The following ZNF33B variants were observed in gnomAD, a reference collection of about 807,000 sequenced individuals.
ZNF33B encodes the protein zinc finger protein 11b (KOX 2).
A neutral mutation model predicts 45.8 loss-of-function variants in ZNF33B; 29 were observed. That is an observed-to-expected ratio of 0.63 (90% confidence interval 0.47 to 0.86). The LOEUF is 0.86. ZNF33B is among the 40% of genes least tolerant of loss of function. ZNF33B has a pLI of 0.00. For missense variants in ZNF33B, 831 were observed against 909.9 expected (o/e 0.91, Z 1.12); for synonymous variants, 305 against 307.8 (o/e 0.99, Z 0.10).
chr10:42,581,770 T>C (rs971516925), intron 1 of ZNF33B: 2 of 152,168 alleles, frequency 1.3e-5, no homozygotes, highest in Non-Finnish European at 1.5e-5. Context: ...TAGGATAGAA[T>C]CCTTATTGTG....
intron 1 of ZNF33B, 74 bp downstream of exon 1, chr10:42,638,400 C>G (rs549542111): frequency 3.1e-5 from 11 of 352,022 alleles, no homozygotes; most frequent in African/African-American, 1.9e-4. Context: ...CCACCTGGCA[C>G]TGGCCCCCGG....
intron 4 of ZNF33B, among the ~76,000 whole-genome samples, chr10:42,621,441 A>T (rs1436273857): frequency 1.3e-5 from 2 of 152,132 alleles, no homozygotes; most frequent in Non-Finnish European, 2.9e-5. Context: ...AGTAAAATAT[A>T]TTTAATGGTA....
chr10:42,583,339 G>A (rs1471576199), intron 1 of ZNF33B: 7 of 404,332 alleles, frequency 1.7e-5, no homozygotes, highest in South Asian at 9.8e-5. Flanking sequence ...TCAAGGAAGA[G>A]CTGGCAAAAC....
Position 42,591,241 on chromosome 10 carries a change from G to A in ZNF33B, c.*1372C>T. ...GGCAGCAACTGGGCTGTATGTGTGG[G>A]CCTCTTTCCAGGGCCCTGTCTTGGA... On this transcript the variant is annotated 3_prime_UTR_variant, in exon 5 of 5. Transcript: ENST00000359467. 1.1e-6 allele frequency: 1 copy of A among 921,506 alleles called. No homozygotes were observed. The highest frequency in any genetic ancestry group is 1.2e-4 in the East Asian group (1 of 8,464). 57.1% of individuals were successfully genotyped at this position (921,506 alleles called of 1,614,324 possible).
chr10:42,584,598 G>T (rs188896898), downstream of ZNF33B, among the ~76,000 whole-genome samples: 1,500 of 151,622 alleles, frequency 9.9e-3, 23 homozygotes, highest in African/African-American at 0.033. Flanking sequence ...TCGGCTCACT[G>T]CAACCTCCAC....
At chr10:42,637,886 C>A (rs1302392143) in intron 1 of ZNF33B, among the ~76,000 whole-genome samples, 2 of 152,198 alleles carry the variant, frequency 1.3e-5, no homozygotes, top group Non-Finnish European at 2.9e-5. Flanking sequence ...TTCCTGACCT[C>A]AGGTGATCCA....
At chr10:42,611,340 CA>C (rs1306786621) in intron 4 of ZNF33B, among the ~76,000 whole-genome samples, 7 of 139,302 alleles carry the variant, frequency 5.0e-5, no homozygotes, top group African/African-American at 1.1e-4. Flanking sequence ...GACTCCGTCT[CA>C]AAAAAAAAAG....
rs376015064 is a variant in ZNF33B at position 42,633,298 on chromosome 10, T to C, written c.10-859A>G. ...ACATAGGAGAAGACATCCAGTTGGATTGTTCTGGATATCCTCTAGGGCACA... is the reference window on the plus strand; with the variant it reads ...ACATAGGAGAAGACATCCAGTTGGACTGTTCTGGATATCCTCTAGGGCACA... On this transcript the variant is annotated intron_variant, in intron 2 of 4. Transcript: ENST00000359467. Among the ~76,000 whole-genome samples the C allele has an allele frequency of 1.6e-4, 24 of 152,286 alleles. No homozygotes were observed. In the East Asian group the frequency reaches 3.3e-3, roughly 21 times the overall value.
rs555542289 is a variant in ZNF33B, at chr10:42,606,212, C to G, written c.251-11513G>C. On this transcript the variant is annotated intron_variant, in intron 4 of 4. Coordinates refer to ENST00000359467, the MANE Select transcript of ZNF33B (RefSeq NM_006955.3). ...GGGTGTGGTGGCTCATGCCTGTAATCCCAGCACTTCGGGAGGCCAAGGCGG... is the reference window on the plus strand; with the variant it reads ...GGGTGTGGTGGCTCATGCCTGTAATGCCAGCACTTCGGGAGGCCAAGGCGG... Among the ~76,000 whole-genome samples, 13 of 151,992 alleles carry G rather than the reference C, an allele frequency of 8.6e-5. No homozygotes were observed. The East Asian group carries it at 1.9e-3, about 23-fold the overall frequency.
rs114581375 is a variant in ZNF33B, at chr10:42,591,275, G to C, written c.*1338C>G. ...CAGGGCCCTGTCTTGGAGAGCAGCTGCTTAAAGAAAATTTGGACTATCACT... is the reference window on the plus strand; with the variant it reads ...CAGGGCCCTGTCTTGGAGAGCAGCTCCTTAAAGAAAATTTGGACTATCACT... On this transcript the variant is annotated 3_prime_UTR_variant, in exon 5 of 5. Coordinates refer to ENST00000359467, the MANE Select transcript of ZNF33B (RefSeq NM_006955.3). The C allele has an allele frequency of 3.5e-3, 3,214 of 923,478 alleles. 89 individuals carry two copies. In the African/African-American group the frequency reaches 0.055, roughly 16 times the overall value. 57.2% of individuals were successfully genotyped at this position (923,478 alleles called of 1,614,324 possible).
chr10:42,621,297 A>G (rs1473184264), intron 4 of ZNF33B, among the ~76,000 whole-genome samples: 2 of 152,022 alleles, frequency 1.3e-5, no homozygotes, highest in South Asian at 2.1e-4. Context: ...GTGCCACTGC[A>G]CTCCAGTCTG....
intron 4 of ZNF33B, among the ~76,000 whole-genome samples, chr10:42,604,143 A>C (rs1311450081): frequency 2.0e-5 from 3 of 152,178 alleles, no homozygotes; most frequent in Non-Finnish European, 4.4e-5. Context: ...ACCTCAAAGC[A>C]CTTATTTTAA....
intron 4 of ZNF33B, among the ~76,000 whole-genome samples, chr10:42,613,770 C>T (rs1838196186): frequency 6.6e-6 from 1 of 152,134 alleles, no homozygotes; most frequent in Non-Finnish European, 1.5e-5. Context: ...ATGGTTTATG[C>T]ACATGTGTGT....
rs754230172 is a variant in ZNF33B, at chr10:42,590,340, C to T, written c.*2273G>A. Reference sequence around the variant, plus strand: ...TACCTTAAGTATCTCGAAAAATGCACATCAGTGAATCCATTTGGTCCCGGC... The same window carrying T: ...TACCTTAAGTATCTCGAAAAATGCATATCAGTGAATCCATTTGGTCCCGGC... On this transcript the variant is annotated 3_prime_UTR_variant, in exon 5 of 5. Transcript: ENST00000359467. The T allele has an allele frequency of 6.6e-6, 1 of 152,082 alleles. No homozygotes were observed. Among genetic ancestry groups the T allele is most frequent in the African/African-American group, 2.4e-5 (1 of 41,412 alleles). The allele number at this position is 152,082 out of a possible 1,614,324, so 9.4% of individuals were successfully genotyped here.
At position 42,592,945 on chromosome 10, in the gene ZNF33B, C is replaced by G; in HGVS notation, c.2005G>C (p.Glu669Gln). ...TTCACACAGAAAGATTTTCCACATT[C>G]GTTACATTTATAAGGCTTTTCTTGT... ...HTQEKPYKCNECGKSFCVKSG... is the reference protein window; with the variant it reads ...HTQEKPYKCNQCGKSFCVKSG... The change falls in exon 5 of 5, where the codon GAA (glutamate) becomes CAA (glutamine). Residue 669 changes from glutamate (E) to glutamine (Q), a missense_variant. Physicochemically the swap from Glu to Gln is conservative, Grantham distance 29. Transcript: ENST00000359467. The G allele has an allele frequency of 1.9e-6, 3 of 1,613,732 alleles. No individual in the cohort carries two copies. Among genetic ancestry groups the G allele is most frequent in the East Asian group, 2.2e-5 (1 of 44,820 alleles).
chr10:42,622,515 C>T (rs1838634455), intron 4 of ZNF33B, among the ~76,000 whole-genome samples: 1 of 152,106 alleles, frequency 6.6e-6, no homozygotes, highest in African/African-American at 2.4e-5. Context: ...AAGTGAGAGC[C>T]CAAAAATACA....
rs571898678 is a variant in ZNF33B at position 42,602,521 on chromosome 10, G to A, written c.251-7822C>T. On this transcript the variant is annotated intron_variant, in intron 4 of 4. Transcript: ENST00000359467. Reference sequence around the variant, plus strand: ...AATATTTCAATGGATGGAAGACTGAGAGTTTTACTTGGTTGGATGCTGGGT... The same window carrying A: ...AATATTTCAATGGATGGAAGACTGAAAGTTTTACTTGGTTGGATGCTGGGT... Among the ~76,000 whole-genome samples, 7 of 152,274 alleles carry A rather than the reference G, an allele frequency of 4.6e-5. No homozygotes were observed. The South Asian group carries it at 1.5e-3, about 32-fold the overall frequency.
intron 4 of ZNF33B, among the ~76,000 whole-genome samples, chr10:42,595,304 C>T (rs1837351818): frequency 1.3e-5 from 2 of 152,062 alleles, no homozygotes; most frequent in African/African-American, 4.8e-5. Context: ...CAGAAGATGT[C>T]TGAATTCACA....
chr10:42,606,081 C>CA (rs1425970707), intron 4 of ZNF33B, among the ~76,000 whole-genome samples: 3 of 146,122 alleles, frequency 2.1e-5, no homozygotes, highest in Non-Finnish European at 4.5e-5. Flanking sequence ...CTCAAGGACT[C>CA]AGAGAGACCC....
Sources: allele counts gnomAD v4.1 joint callset (sites outside exome capture counted in the v4.1 genomes callset), GRCh38; gene constraint gnomAD v4.1.1; transcripts MANE v1.5; gene names NCBI Gene and HGNC (gene_info 2026-07-23, HGNC 2026-07-21).